Variants in RBFOX1 observed in about 807,000 individuals in gnomAD.
RBFOX1 encodes RNA binding protein fox-1 homolog 1.
RBFOX1 carries 8 observed loss-of-function variants against 57.7 expected under a neutral mutation model. That is an observed-to-expected ratio of 0.14 (90% CI 0.08 to 0.25). RBFOX1 has a LOEUF of 0.25. Among genes scored for constraint, RBFOX1 ranks in the 10% least tolerant of loss-of-function variants. The probability of loss-of-function intolerance (pLI) is 1.00; values close to 1 mark genes in which losing one functional copy is unlikely to be tolerated. For missense variants in RBFOX1, 611 were observed against 548.5 expected, an observed-to-expected ratio of 1.11 and a Z score of -1.14; for synonymous variants, 326 against 222.4, an observed-to-expected ratio of 1.47 and a Z score of -4.15.
rs922571901 is a variant in RBFOX1 at position 6,924,280 on chromosome 16, C to G, written c.-15-127777C>G. Among the ~76,000 whole-genome samples the G allele has an allele frequency of 1.3e-5, 2 of 152,036 alleles. 1 individual carries two copies. The highest frequency in any genetic ancestry group is 4.2e-4 in the South Asian group (2 of 4,802). On this transcript the variant is annotated intron_variant, in intron 3 of 15. Transcript: ENST00000550418. ...TTCTGCTGGCTGTGCAGTTATGGCT[C>G]CAGCATCTGCTCTGCTTCTGGTGAG...
chr16:7,513,539 C>T (rs920440486), intron 4 of RBFOX1, among the ~76,000 whole-genome samples: 1 of 152,140 alleles, frequency 6.6e-6, no homozygotes, highest in Non-Finnish European at 1.5e-5. Flanking sequence ...TTTTGTGGTT[C>T]AAGGTAGTCG....
intron 3 of RBFOX1, among the ~76,000 whole-genome samples, chr16:6,791,829 A>G (rs1345255284): frequency 1.3e-5 from 2 of 152,172 alleles, no homozygotes; most frequent in East Asian, 1.9e-4. Context: ...TCATACCTCC[A>G]GGAAGGTGGT....
intron 2 of RBFOX1, among the ~76,000 whole-genome samples, chr16:6,388,445 A>G (rs1314435547): frequency 6.6e-6 from 1 of 152,186 alleles, no homozygotes; most frequent in East Asian, 1.9e-4. Context: ...ATGGTGATTT[A>G]AAACATGTGT....
chr16:5,736,263 G>T (rs2052567645), intron 3 of RBFOX1, among the ~76,000 whole-genome samples: 1 of 152,138 alleles, frequency 6.6e-6, no homozygotes, highest in African/African-American at 2.4e-5. Flanking sequence ...CATCTGTTTT[G>T]GGAAGTATGG....
At chr16:6,572,997 A>G (rs1398782261) in intron 2 of RBFOX1, among the ~76,000 whole-genome samples, 1 of 152,192 alleles carries the variant, frequency 6.6e-6, no homozygotes, top group African/African-American at 2.4e-5. Context: ...ACTCAAGTCT[A>G]GTCAGGGATC....
chr16:7,058,349 C>G (rs2053131372), intron 4 of RBFOX1, among the ~76,000 whole-genome samples: 1 of 152,112 alleles, frequency 6.6e-6, no homozygotes, highest in African/African-American at 2.4e-5. Context: ...GGGAGTGTGC[C>G]TCAGGATGAG....
At chr16:7,706,315 G>C (rs1349738514) in intron 14 of RBFOX1, among the ~76,000 whole-genome samples, 2 of 152,204 alleles carry the variant, frequency 1.3e-5, no homozygotes, top group Non-Finnish European at 2.9e-5. Flanking sequence ...AGGTCACCCT[G>C]AAGAGAAAAG....
chr16:5,323,114 G>A (rs1435878482), intron 1 of RBFOX1, among the ~76,000 whole-genome samples: 2 of 152,194 alleles, frequency 1.3e-5, no homozygotes, highest in African/African-American at 4.8e-5. Flanking sequence ...TAAGGATCAA[G>A]TGATTTAATG....
intron 3 of RBFOX1, among the ~76,000 whole-genome samples, chr16:6,851,926 G>GT (rs71147610): frequency 0.22 from 31,596 of 143,472 alleles, 4,049 homozygotes; most frequent in Admixed American, 0.35. Flanking sequence ...TTTCCATTGG[G>GT]TTTTTTTTTT....
rs527546044 is a variant in RBFOX1 at position 7,100,027 on chromosome 16, C to T, written c.27+47929C>T. ...CTTTCAGGTTAAACTTTAGATTGCCCTGGTCGAGGAGGGGGTCCTTTCACA... is the reference window on the plus strand; with the variant it reads ...CTTTCAGGTTAAACTTTAGATTGCCTTGGTCGAGGAGGGGGTCCTTTCACA... On this transcript the variant is annotated intron_variant, in intron 4 of 15. Transcript: ENST00000550418. Among the ~76,000 whole-genome samples the T allele has an allele frequency of 3.7e-3, 566 of 151,714 alleles. 7 individuals carry two copies. Among genetic ancestry groups the T allele is most frequent in the African/African-American group, 0.013 (544 of 41,350 alleles).
intron 4 of RBFOX1, among the ~76,000 whole-genome samples, chr16:7,267,049 A>G (rs188522774): frequency 6.6e-6 from 1 of 152,306 alleles, no homozygotes; most frequent in East Asian, 1.9e-4. Context: ...GGAGGCCAGC[A>G]TACCTGAGGA....
At chr16:6,769,675 C>G (rs929754831) in intron 3 of RBFOX1, among the ~76,000 whole-genome samples, 23 of 152,194 alleles carry the variant, frequency 1.5e-4, no homozygotes, top group African/African-American at 5.5e-4. Context: ...CCATATCCCT[C>G]TCTGCTAATG....
At chr16:7,581,522 T>TGTC (rs1446244909) in intron 6 of RBFOX1, among the ~76,000 whole-genome samples, 1 of 152,166 alleles carries the variant, frequency 6.6e-6, no homozygotes, top group East Asian at 1.9e-4. Flanking sequence ...TCTTTCATGG[T>TGTC]GTCACTCAGT....
At chr16:6,854,136 G>A (rs1431887003) in intron 3 of RBFOX1, among the ~76,000 whole-genome samples, 1 of 152,138 alleles carries the variant, frequency 6.6e-6, no homozygotes, top group African/African-American at 2.4e-5. Context: ...TATTGTAAAA[G>A]CAACTCAAAA....
At chr16:6,561,669 T>G (rs1599881631) in intron 2 of RBFOX1, among the ~76,000 whole-genome samples, 1 of 152,240 alleles carries the variant, frequency 6.6e-6, no homozygotes, top group Admixed American at 6.5e-5. Flanking sequence ...ATTTTATCTT[T>G]TTGTTTTTTC....
chr16:6,563,878 ATG>A (rs903614109), intron 2 of RBFOX1, among the ~76,000 whole-genome samples: 21 of 150,790 alleles, frequency 1.4e-4, no homozygotes, highest in African/African-American at 5.1e-4. Context: ...ATGTATATGT[ATG>A]TGTGTGTGTG....
chr16:7,685,196 G>A (rs1011291568), intron 14 of RBFOX1, among the ~76,000 whole-genome samples: 8 of 152,116 alleles, frequency 5.3e-5, no homozygotes, highest in East Asian at 1.9e-4. Context: ...GTTCTACCCC[G>A]ATATGCCATA....
intron 4 of RBFOX1, among the ~76,000 whole-genome samples, chr16:7,082,924 G>C (rs1262733807): frequency 2.0e-5 from 3 of 152,186 alleles, no homozygotes; most frequent in Non-Finnish European, 2.9e-5. Context: ...AACAAGAGTT[G>C]TAAATGTTTC....
intron 3 of RBFOX1, among the ~76,000 whole-genome samples, chr16:6,973,773 T>G (rs2086135078): frequency 6.6e-6 from 1 of 152,072 alleles, no homozygotes; most frequent in Non-Finnish European, 1.5e-5. Context: ...AACCGGTAGT[T>G]TTTAATTTTT....
Sources: allele counts gnomAD v4.1 joint callset (sites outside exome capture counted in the v4.1 genomes callset), GRCh38; gene constraint gnomAD v4.1.1; transcripts MANE v1.5; gene names NCBI Gene and HGNC (gene_info 2026-07-23, HGNC 2026-07-21).